Variants in PTPRT observed in about 807,000 individuals in gnomAD.
The protein encoded by PTPRT is receptor-type tyrosine-protein phosphatase T.
In PTPRT, 56 loss-of-function variants were observed where a neutral mutation model predicts 176.8. The ratio of observed to expected loss-of-function variants is 0.32; its 90% CI spans 0.26 to 0.40. The LOEUF (loss-of-function observed/expected upper bound fraction) is 0.40, where lower values mean the gene tolerates loss of function less well. Among genes scored for constraint, PTPRT ranks in the 10% least tolerant of loss-of-function variants. The pLI, the probability that PTPRT is intolerant of heterozygous loss-of-function variation, is 1.00. For missense variants in PTPRT, 1,540 were observed against 1,908.2 expected (o/e 0.81, Z 3.60); for synonymous variants, 783 against 739.0 (o/e 1.06, Z -0.96).
intron 12 of PTPRT, among the ~76,000 whole-genome samples, chr20:42,303,074 A>ACTT (rs2057492958): frequency 6.6e-6 from 1 of 152,128 alleles, no homozygotes; most frequent in African/African-American, 2.4e-5. Flanking sequence ...ATGAAGAGGG[A>ACTT]CTTAGACTTT....
intron 6 of PTPRT, among the ~76,000 whole-genome samples, chr20:42,683,367 T>A (rs2075637620): frequency 6.6e-6 from 1 of 152,064 alleles, no homozygotes; most frequent in South Asian, 2.1e-4. Flanking sequence ...AACCTCCAAC[T>A]CTTGGGTTCA....
At chr20:42,411,195 A>G (rs1190768890) in intron 9 of PTPRT, among the ~76,000 whole-genome samples, 1 of 152,180 alleles carries the variant, frequency 6.6e-6, no homozygotes, top group Non-Finnish European at 1.5e-5. Flanking sequence ...TTGTAATCCC[A>G]GCACTTTGGG....
chr20:42,554,540 T>G (rs993628950), intron 7 of PTPRT, among the ~76,000 whole-genome samples: 1 of 152,154 alleles, frequency 6.6e-6, no homozygotes, highest in African/African-American at 2.4e-5. Flanking sequence ...TAGTGGGTAC[T>G]CAGGAAATAT....
rs547206093 is a variant in PTPRT at position 42,705,477 on chromosome 20, A to C, written c.860-27318T>G. Among the ~76,000 whole-genome samples the C allele has an allele frequency of 1.9e-3, 294 of 152,250 alleles. 1 individual carries two copies. Among genetic ancestry groups the C allele is most frequent in the Non-Finnish European group, 3.2e-3 (219 of 68,034 alleles). ...ACTAGGGTGGGGAGGAATGTTACAA[A>C]GTACATTCACAAGGAAAGGGAATAT... On this transcript the variant is annotated intron_variant, in intron 6 of 30. Coordinates refer to ENST00000373187, the MANE Select transcript of PTPRT (RefSeq NM_007050.6).
intron 7 of PTPRT, among the ~76,000 whole-genome samples, chr20:42,584,003 AAC>A (rs1466188122): frequency 3.3e-5 from 5 of 152,160 alleles, no homozygotes; most frequent in Non-Finnish European, 5.9e-5. Flanking sequence ...CACGCCAGTT[AAC>A]TGATCTGGCT....
chr20:42,462,748 AT>A (rs1859073717), intron 8 of PTPRT, among the ~76,000 whole-genome samples: 2 of 152,184 alleles, frequency 1.3e-5, no homozygotes, highest in Non-Finnish European at 2.9e-5. Context: ...ACACCCTGAA[AT>A]AAAAAGCTCT....
At chr20:42,356,570 C>T (rs574331983) in intron 9 of PTPRT, among the ~76,000 whole-genome samples, 1 of 152,182 alleles carries the variant, frequency 6.6e-6, no homozygotes, top group Non-Finnish European at 1.5e-5. Flanking sequence ...GTGGTGCATG[C>T]CTGTAACCCC....
chr20:42,483,896 T>C (rs1206884531), intron 7 of PTPRT, among the ~76,000 whole-genome samples: 2 of 152,222 alleles, frequency 1.3e-5, no homozygotes, highest in African/African-American at 2.4e-5. Context: ...TAGGGGGCGA[T>C]AGAGGGAGCC....
At chr20:42,566,307 T>C (rs2073039316) in intron 7 of PTPRT, among the ~76,000 whole-genome samples, 1 of 152,118 alleles carries the variant, frequency 6.6e-6, no homozygotes, top group African/African-American at 2.4e-5. Flanking sequence ...AGCTAATTTT[T>C]GTATTTTTCA....
chr20:42,966,531 C>T (rs1177730538), intron 1 of PTPRT: 2 of 152,114 alleles, frequency 1.3e-5, no homozygotes, highest in East Asian at 1.9e-4. Flanking sequence ...TCTGTTTGGT[C>T]GCTGCATCTG....
intron 18 of PTPRT, among the ~76,000 whole-genome samples, chr20:42,132,573 G>T (rs1187622528): frequency 6.6e-6 from 1 of 152,162 alleles, no homozygotes; most frequent in Non-Finnish European, 1.5e-5. Context: ...ATGAAAAGAT[G>T]TTTAACATCA....
intron 2 of PTPRT, among the ~76,000 whole-genome samples, chr20:42,836,818 T>C (rs758853367): frequency 2.0e-5 from 3 of 152,258 alleles, no homozygotes; most frequent in Non-Finnish European, 4.4e-5. Flanking sequence ...GGGCACTTGC[T>C]ATGTAACGGC....
chr20:42,621,588 C>A (rs569154950), intron 7 of PTPRT, among the ~76,000 whole-genome samples: 7 of 152,172 alleles, frequency 4.6e-5, no homozygotes, highest in Admixed American at 2.0e-4. Context: ...TATGGAATTC[C>A]TTGGCTTCTG....
At chr20:43,119,719 A>T (rs2013188072) in intron 1 of PTPRT, among the ~76,000 whole-genome samples, 1 of 152,226 alleles carries the variant, frequency 6.6e-6, no homozygotes, top group African/African-American at 2.4e-5. Context: ...ACAAACATTA[A>T]TATAATGCAT....
At chr20:42,408,710 A>G (rs192548646) in intron 9 of PTPRT, among the ~76,000 whole-genome samples, 23 of 152,330 alleles carry the variant, frequency 1.5e-4, no homozygotes, top group Admixed American at 1.2e-3. Context: ...CAAAAATGAA[A>G]TTATAAGGAA....
chr20:42,128,386 G>A (rs1987962130), intron 19 of PTPRT, among the ~76,000 whole-genome samples: 2 of 151,884 alleles, frequency 1.3e-5, no homozygotes, highest in Non-Finnish European at 2.9e-5. Flanking sequence ...GGTATTATTA[G>A]CATTATGGTT....
chr20:42,697,498 G>A (rs1194675970), intron 6 of PTPRT, among the ~76,000 whole-genome samples: 1 of 152,176 alleles, frequency 6.6e-6, no homozygotes, highest in African/African-American at 2.4e-5. Flanking sequence ...GTAAGGAAAT[G>A]GTCAGTAAGA....
intron 17 of PTPRT, among the ~76,000 whole-genome samples, chr20:42,149,894 A>C (rs982730558): frequency 6.6e-6 from 1 of 151,992 alleles, no homozygotes; most frequent in Admixed American, 6.6e-5. Context: ...AGTGCAACCC[A>C]CCCTCCTATC....
chr20:42,651,396 T>A (rs2075028284), intron 7 of PTPRT, among the ~76,000 whole-genome samples: 1 of 152,222 alleles, frequency 6.6e-6, no homozygotes, highest in African/African-American at 2.4e-5. Context: ...CTGTCATGGA[T>A]ATTTTCTCAA....
Sources: allele counts gnomAD v4.1 joint callset (sites outside exome capture counted in the v4.1 genomes callset), GRCh38; gene constraint gnomAD v4.1.1; transcripts MANE v1.5; gene names NCBI Gene and HGNC (gene_info 2026-07-23, HGNC 2026-07-21).